The following GRM8 variants were observed in gnomAD, a reference collection of about 807,000 sequenced individuals.
The protein encoded by GRM8 is metabotropic glutamate receptor 8.
A neutral mutation model predicts 87.2 loss-of-function variants in GRM8; 47 were observed. The observed-to-expected ratio is 0.54, with a 90% CI of 0.43 to 0.69. GRM8 has a LOEUF of 0.69. GRM8 is among the 30% of genes least tolerant of loss of function. GRM8 has a pLI of 0.00. For synonymous variants in GRM8, 396 were observed against 404.5 expected (o/e 0.98, Z 0.25); for missense variants, 1,019 against 1,139.2 (o/e 0.89, Z 1.52).
At chr7:127,205,783 A>C (rs1279291746) in intron 2 of GRM8, among the ~76,000 whole-genome samples, 5 of 152,078 alleles carry the variant, frequency 3.3e-5, no homozygotes, top group Non-Finnish European at 7.4e-5. Flanking sequence ...CACAAACACG[A>C]CTTTTTCCCC....
chr7:127,111,361 T>C (rs924503345), intron 2 of GRM8, among the ~76,000 whole-genome samples: 1 of 152,202 alleles, frequency 6.6e-6, no homozygotes, highest in African/African-American at 2.4e-5. Context: ...TAGCAGAGAT[T>C]ATTGTCTTCT....
chr7:127,217,110 G>A (rs763111509), intron 2 of GRM8, among the ~76,000 whole-genome samples: 5 of 152,096 alleles, frequency 3.3e-5, no homozygotes, highest in Non-Finnish European at 5.9e-5. Flanking sequence ...TATACATATG[G>A]ATGAATACAT....
intron 7 of GRM8, among the ~76,000 whole-genome samples, chr7:126,733,873 C>A (rs1406830228): frequency 6.6e-6 from 1 of 151,992 alleles, no homozygotes; most frequent in Non-Finnish European, 1.5e-5. Context: ...TATTCCATGT[C>A]ATTCCAGATG....
At chr7:126,519,620 A>C (rs1812682067) in intron 9 of GRM8, among the ~76,000 whole-genome samples, 1 of 152,088 alleles carries the variant, frequency 6.6e-6, no homozygotes, top group African/African-American at 2.4e-5. Flanking sequence ...TAAAACAAAA[A>C]TGGACTGATT....
intron 6 of GRM8, among the ~76,000 whole-genome samples, chr7:126,821,980 T>A (rs1405196890): frequency 1.3e-5 from 2 of 152,164 alleles, no homozygotes; most frequent in Admixed American, 6.5e-5. Context: ...TAATCAGTTA[T>A]TTGGTAGACT....
chr7:126,886,737 G>A (rs569053596), intron 6 of GRM8, among the ~76,000 whole-genome samples: 2 of 152,122 alleles, frequency 1.3e-5, no homozygotes, highest in African/African-American at 4.8e-5. Flanking sequence ...ATATTTTTGA[G>A]TAATATCTTC....
At chr7:126,982,710 T>C (rs1240654300) in intron 3 of GRM8, among the ~76,000 whole-genome samples, 1 of 152,202 alleles carries the variant, frequency 6.6e-6, no homozygotes, top group Non-Finnish European at 1.5e-5. Context: ...AATATGACAA[T>C]TACAGTCCTC....
intron 7 of GRM8, among the ~76,000 whole-genome samples, chr7:126,669,246 C>G (rs1806123560): frequency 6.6e-6 from 1 of 151,926 alleles, no homozygotes; most frequent in South Asian, 2.1e-4. Flanking sequence ...ATAACGGTTT[C>G]ATAGGTGCAG....
intron 6 of GRM8, among the ~76,000 whole-genome samples, chr7:126,884,043 C>T (rs1377562005): frequency 2.6e-5 from 4 of 151,982 alleles, no homozygotes; most frequent in African/African-American, 4.8e-5. Context: ...TGTCATAAGG[C>T]CCTACAAATA....
At chr7:127,061,944 C>T (rs142719938) in intron 3 of GRM8, among the ~76,000 whole-genome samples, 1 of 152,202 alleles carries the variant, frequency 6.6e-6, no homozygotes, top group East Asian at 1.9e-4. Context: ...TTCAAAGCAG[C>T]TTCTTGACCT....
At chr7:126,660,286 T>G (rs914900628) in intron 7 of GRM8, among the ~76,000 whole-genome samples, 3 of 152,188 alleles carry the variant, frequency 2.0e-5, no homozygotes, top group Admixed American at 6.5e-5. Context: ...ATCATAAAAC[T>G]AATAAGTAGT....
intron 6 of GRM8, among the ~76,000 whole-genome samples, chr7:126,883,754 C>T (rs988328030): frequency 2.0e-5 from 3 of 152,082 alleles, no homozygotes; most frequent in Non-Finnish European, 4.4e-5. Flanking sequence ...ACAGACTAAA[C>T]TTTTTAACTA....
intron 3 of GRM8, among the ~76,000 whole-genome samples, chr7:126,936,340 G>A (rs1372109185): frequency 6.6e-6 from 1 of 152,094 alleles, no homozygotes; most frequent in Non-Finnish European, 1.5e-5. Flanking sequence ...ATGATGGATA[G>A]GCTCCTTAGG....
At chr7:126,847,073 G>C (rs1796768864) in intron 6 of GRM8, among the ~76,000 whole-genome samples, 1 of 152,100 alleles carries the variant, frequency 6.6e-6, no homozygotes. Flanking sequence ...TGCTGTTAAG[G>C]TAAATAATAT....
At chr7:126,735,399 T>A in intron 7 of GRM8, among the ~76,000 whole-genome samples, 1 of 152,120 alleles carries the variant, frequency 6.6e-6, no homozygotes, top group East Asian at 1.9e-4. Flanking sequence ...TAAAATTAAG[T>A]TCACCACTGA....
Position 127,206,445 on chromosome 7 carries a change from T to C in GRM8, c.510+36250A>G, listed in dbSNP as rs575154167. 2.6e-5 allele frequency among the ~76,000 whole-genome samples: 4 copies of C among 152,326 alleles called. No individual in the cohort carries two copies. In the South Asian group the frequency reaches 6.2e-4, roughly 24 times the overall value. ...CTGGCTATCAACTGCCCTGAGTAGG[T>C]TAGCCTCAAGATATGTGTGGGCTTT... On this transcript the variant is annotated intron_variant, in intron 2 of 10. Transcript: ENST00000339582.
intron 2 of GRM8, among the ~76,000 whole-genome samples, chr7:127,193,689 T>C (rs934371725): frequency 1.3e-4 from 20 of 152,050 alleles, no homozygotes; most frequent in African/African-American, 4.8e-4. Context: ...ATAATCACCT[T>C]CTCAAATGTT....
intron 7 of GRM8, among the ~76,000 whole-genome samples, chr7:126,749,706 A>G (rs1022847408): frequency 5.3e-5 from 8 of 152,084 alleles, no homozygotes; most frequent in Admixed American, 4.6e-4. Context: ...AAGATATAGG[A>G]ATGGCTAATA....
intron 3 of GRM8, among the ~76,000 whole-genome samples, chr7:127,011,866 A>G: frequency 6.6e-6 from 1 of 152,188 alleles, no homozygotes; most frequent in East Asian, 1.9e-4. Flanking sequence ...TGAATGCTAC[A>G]GCTGCCCTCT....
Sources: gnomAD v4.1 joint callset for allele counts (sites outside exome capture counted in the v4.1 genomes callset) on GRCh38, gnomAD v4.1.1 for gene constraint, MANE v1.5 for transcripts, NCBI Gene and HGNC (gene_info 2026-07-23, HGNC 2026-07-21) for gene names.